CDK6: variants seen among roughly 807,000 people sequenced by gnomAD.
The protein encoded by CDK6 is cyclin dependent kinase 6.
CDK6 carries 6 observed loss-of-function variants against 37.1 expected under a neutral mutation model. The ratio of observed to expected loss-of-function variants is 0.16; its 90% CI spans 0.09 to 0.32. CDK6 has a LOEUF of 0.32. CDK6 is among the 10% of genes least tolerant of loss of function. CDK6 has a pLI of 1.00. For missense variants in CDK6, 224 were observed against 418.9 expected (o/e 0.53, Z 4.06); for synonymous variants, 160 against 161.3 (o/e 0.99, Z 0.06).
intron 5 of CDK6, among the ~76,000 whole-genome samples, chr7:92,624,780 G>C (rs1297257711): frequency 1.3e-5 from 2 of 152,108 alleles, no homozygotes; most frequent in Non-Finnish European, 2.9e-5. Flanking sequence ...CATGAATGTT[G>C]TATCTGGCCT....
chr7:92,655,355 T>C (rs1482434729), intron 5 of CDK6, among the ~76,000 whole-genome samples: 1 of 152,146 alleles, frequency 6.6e-6, no homozygotes, highest in Non-Finnish European at 1.5e-5. Context: ...TAATATGCAA[T>C]CTGTAAAAAA....
chr7:92,793,125 T>A (rs1800322898), intron 2 of CDK6, among the ~76,000 whole-genome samples: 1 of 149,416 alleles, frequency 6.7e-6, no homozygotes, highest in East Asian at 2.0e-4. Context: ...TGGAAGGACA[T>A]CCGTATTCAT....
chr7:92,693,137 G>A (rs1271846346), intron 4 of CDK6, among the ~76,000 whole-genome samples: 1 of 152,126 alleles, frequency 6.6e-6, no homozygotes, highest in Non-Finnish European at 1.5e-5. Flanking sequence ...GTTTTGCACA[G>A]GCCCAAACTC....
At chr7:92,654,658 T>A (rs1189052065) in intron 5 of CDK6, among the ~76,000 whole-genome samples, 1 of 152,072 alleles carries the variant, frequency 6.6e-6, no homozygotes, top group Non-Finnish European at 1.5e-5. Flanking sequence ...GAGCAAAAGA[T>A]GTAATACTGT....
At chr7:92,812,701 C>T (rs1376859050) in intron 2 of CDK6, among the ~76,000 whole-genome samples, 1 of 152,178 alleles carries the variant, frequency 6.6e-6, no homozygotes, top group Non-Finnish European at 1.5e-5. Flanking sequence ...GCTGGGATTA[C>T]ACACATGAGC....
At chr7:92,703,658 A>C (rs1328844437) in intron 4 of CDK6, among the ~76,000 whole-genome samples, 1 of 152,236 alleles carries the variant, frequency 6.6e-6, no homozygotes, top group African/African-American at 2.4e-5. Context: ...TTATCTGGTA[A>C]GATGAATGAA....
At chr7:92,769,970 A>C (rs1799670555) in intron 3 of CDK6, among the ~76,000 whole-genome samples, 1 of 152,220 alleles carries the variant, frequency 6.6e-6, no homozygotes. Flanking sequence ...ACAATCATTA[A>C]GGTGTCAATT....
At chr7:92,768,422 C>T (rs565161689) in intron 3 of CDK6, among the ~76,000 whole-genome samples, 5 of 152,242 alleles carry the variant, frequency 3.3e-5, no homozygotes, top group African/African-American at 7.2e-5. Flanking sequence ...TTCCAACATT[C>T]GACTTTGCTT....
In CDK6 at chr7:92,834,751, G is replaced by A. The variant is rs1400596602; in HGVS notation, c.-367-1061C>T. ...GTCTCTGTCCTCGGGGCCCGGACTC[G>A]CGAACCTTTTCCCATTCCCAGGACC... is the stretch of plus-strand genomic sequence containing the variant. On this transcript the variant is annotated intron_variant, in intron 1 of 7. Transcript: ENST00000424848. This position sits in a 1 kb window ranked among gnomAD's most constrained non-coding sequence, Gnocchi z 4.6. Among the ~76,000 whole-genome samples, 4 of 151,976 alleles carry A rather than the reference G, an allele frequency of 2.6e-5. No homozygotes were observed. The highest frequency in any genetic ancestry group is 4.4e-5 in the Non-Finnish European group (3 of 67,966).
At chr7:92,666,425 C>T (rs1005036932) in intron 5 of CDK6, among the ~76,000 whole-genome samples, 1 of 152,310 alleles carries the variant, frequency 6.6e-6, no homozygotes, top group South Asian at 2.1e-4. Context: ...GGGTTTCCAA[C>T]ATGTGACATA....
At chr7:92,828,539 T>C (rs2116011649) in intron 2 of CDK6, among the ~76,000 whole-genome samples, 1 of 152,310 alleles carries the variant, frequency 6.6e-6, no homozygotes, top group East Asian at 1.9e-4. Flanking sequence ...GTTTCCTTCT[T>C]AAAAAACTTT....
chr7:92,711,552 A>ATTTTTTTTTTTTTTTT (rs11285626), intron 4 of CDK6, among the ~76,000 whole-genome samples: 25 of 56,626 alleles, frequency 4.4e-4, no homozygotes, highest in African/African-American at 1.8e-3. Context: ...GAATGGTCAA[A>ATTTTTTTTTTTTTTTT]TTTTTTTTTT....
chr7:92,688,060 T>C (rs2282988), intron 4 of CDK6, among the ~76,000 whole-genome samples: 7,546 of 152,266 alleles, frequency 0.05, 437 homozygotes, highest in East Asian at 0.33. Flanking sequence ...TTTTTGGATA[T>C]AGTAAAATAA....
At chr7:92,617,302 GAGAAAAACATGCCCCA>G (rs1424244322) in intron 7 of CDK6, among the ~76,000 whole-genome samples, 1 of 152,104 alleles carries the variant, frequency 6.6e-6, no homozygotes, top group African/African-American at 2.4e-5. Context: ...CTTCTATCAT[GAGAAAAACATGCCCCA>G]GGGAGCTGCT....
chr7:92,772,359 A>T (rs1376712763), intron 3 of CDK6, among the ~76,000 whole-genome samples: 1 of 152,118 alleles, frequency 6.6e-6, no homozygotes, highest in Admixed American at 6.6e-5. Flanking sequence ...ATACAACATT[A>T]GCCACAAACC....
intron 2 of CDK6, among the ~76,000 whole-genome samples, chr7:92,808,907 C>A (rs1034572045): frequency 2.6e-5 from 4 of 152,212 alleles, no homozygotes; most frequent in Admixed American, 6.5e-5. Flanking sequence ...AAGGTCAGGG[C>A]TATGTTTTCT....
intron 5 of CDK6, among the ~76,000 whole-genome samples, chr7:92,639,809 A>C (rs993242316): frequency 2.6e-5 from 4 of 152,202 alleles, no homozygotes; most frequent in Non-Finnish European, 4.4e-5. Flanking sequence ...ACTTACTTTA[A>C]CAGTCATTTC....
rs1795514492 is a variant in CDK6 at position 92,609,499 on chromosome 7, G to T, written c.*5641C>A. The T allele has an allele frequency of 4.4e-6, 1 of 228,580 alleles. No individual in the cohort carries two copies. Among genetic ancestry groups the T allele is most frequent in the African/African-American group, 2.2e-5 (1 of 44,862 alleles). The allele number at this position is 228,580 out of a possible 1,614,324, so 14.2% of individuals were successfully genotyped here. A position where few individuals can be genotyped will look rare whatever the true frequency, so the allele number is the denominator to read the frequency against. On this transcript the variant is annotated 3_prime_UTR_variant, in exon 8 of 8. Transcript: ENST00000424848. Reference sequence around the variant, plus strand: ...ATTCCACAAATGTTAAAATTACCTGGTCTTTTGGTATTTTAGGGCTCTGTT... The same window carrying T: ...ATTCCACAAATGTTAAAATTACCTGTTCTTTTGGTATTTTAGGGCTCTGTT...
At chr7:92,705,960 T>C (rs1797956792) in intron 4 of CDK6, among the ~76,000 whole-genome samples, 1 of 152,230 alleles carries the variant, frequency 6.6e-6, no homozygotes, top group African/African-American at 2.4e-5. Context: ...GTGCAGGTTA[T>C]ACAAGGGCTG....
Sources: gnomAD v4.1 joint callset for allele counts (sites outside exome capture counted in the v4.1 genomes callset) on GRCh38, gnomAD v4.1.1 for gene constraint, Gnocchi (gnomAD v3.1) non-coding constraint, MANE v1.5 for transcripts, NCBI Gene and HGNC (gene_info 2026-07-23, HGNC 2026-07-21) for gene names.